The following KMO variants were observed in gnomAD, a reference collection of about 807,000 sequenced individuals.
The protein encoded by KMO is kynurenine 3-monooxygenase, also known as kynurenine 3-hydroxylase.
KMO carries 24 observed loss-of-function variants against 57.8 expected under a neutral mutation model. The observed-to-expected ratio is 0.42, with a 90% CI of 0.30 to 0.58. KMO has a LOEUF of 0.58. Ranked by LOEUF, KMO falls within the 20% of genes least tolerant of loss-of-function variation. KMO has a pLI of 0.22. For synonymous variants in KMO, 210 were observed against 193.6 expected, an observed-to-expected ratio of 1.08 and a Z score of -0.70; for missense variants, 483 against 588.2, an observed-to-expected ratio of 0.82 and a Z score of 1.85.
intron 12 of KMO, among the ~76,000 whole-genome samples, chr1:241,589,184 G>A (rs1168032029): frequency 3.3e-5 from 5 of 152,146 alleles, no homozygotes. Flanking sequence ...AATGTTGAAT[G>A]GCCTTTTCAC....
intron 10 of KMO, among the ~76,000 whole-genome samples, chr1:241,575,235 T>C (rs1401650037): frequency 6.6e-6 from 1 of 152,102 alleles, no homozygotes; most frequent in African/African-American, 2.4e-5. Flanking sequence ...GTCTTGTTGA[T>C]CTTTTGTATT....
At chr1:241,572,161 G>A (rs1020072210) in intron 10 of KMO, among the ~76,000 whole-genome samples, 11 of 152,040 alleles carry the variant, frequency 7.2e-5, no homozygotes, top group South Asian at 2.1e-4. Flanking sequence ...CACCACGCCC[G>A]GGCAATATTA....
intron 10 of KMO, among the ~76,000 whole-genome samples, chr1:241,578,718 G>A (rs573756978): frequency 4.6e-5 from 7 of 152,222 alleles, no homozygotes; most frequent in Admixed American, 4.6e-4. Flanking sequence ...GAACTTCCTG[G>A]TTAGCCAGGG....
At chr1:241,571,385 A>C (rs1662271874) in intron 10 of KMO, among the ~76,000 whole-genome samples, 1 of 152,068 alleles carries the variant, frequency 6.6e-6, no homozygotes. Context: ...AAAGATTTTC[A>C]GTTTTTCCTC....
chr1:241,534,398 A>C lies in KMO; in HGVS notation c.54+1900A>C, dbSNP rs115466360. On this transcript the variant is annotated intron_variant, in intron 1 of 14. Coordinates refer to ENST00000366559, the MANE Select transcript of KMO (RefSeq NM_003679.5). ...ATCCATGGATTTCTCCCTGAATAAC[A>C]TGAGATTGTCATCATGTAACCACGT... Among the ~76,000 whole-genome samples, 361 of 152,344 alleles carry C rather than the reference A, an allele frequency of 2.4e-3. 1 individual carries two copies. The highest frequency in any genetic ancestry group is 3.4e-3 in the Non-Finnish European group (234 of 68,036).
At chr1:241,554,664 A>G (rs1238905359) in intron 4 of KMO, among the ~76,000 whole-genome samples, 1 of 150,054 alleles carries the variant, frequency 6.7e-6, no homozygotes, top group Non-Finnish European at 1.5e-5. Flanking sequence ...ATTTTAGTTT[A>G]TTTTTAAGTC....
Position 241,567,762 on chromosome 1 carries a change from T to C in KMO, c.810-738T>C, listed in dbSNP as rs1188679761. ...AATTTAGTCTCTATGGATCCCACCT[T>C]CTCCAGCTGTGAAGATAAATCTCTG... On this transcript the variant is annotated intron_variant, in intron 9 of 14. Coordinates refer to ENST00000366559, the MANE Select transcript of KMO (RefSeq NM_003679.5). 3.9e-5 allele frequency among the ~76,000 whole-genome samples: 6 copies of C among 152,294 alleles called. No individual in the cohort carries two copies. The East Asian group carries it at 1.2e-3, about 29-fold the overall frequency.
chr1:241,551,924 C>T (rs1022862610), intron 4 of KMO, among the ~76,000 whole-genome samples: 4 of 152,098 alleles, frequency 2.6e-5, no homozygotes, highest in Non-Finnish European at 4.4e-5. Context: ...AACGAGCTTC[C>T]GGGTGTTTAC....
At position 241,592,796 on chromosome 1, in the gene KMO, A is replaced by ATCTCTCTC. The variant is rs777111753; in HGVS notation, c.*648_*649insCTCTCTCT. ...TATCTATCTATCTATCTATCTATCTATCTCTATTTATTTATGTATTTAGAG... is the reference window on the plus strand; with the variant it reads ...TATCTATCTATCTATCTATCTATCTATCTCTCTCTCTCTATTTATTTATGTATTTAGAG... On this transcript the variant is annotated 3_prime_UTR_variant, in exon 15 of 15. Transcript: ENST00000366559. 2.7e-5 allele frequency: 4 copies of ATCTCTCTC among 150,600 alleles called. No homozygotes were observed. The highest frequency in any genetic ancestry group is 1.0e-4 in the African/African-American group (4 of 39,990). 9.3% of individuals were successfully genotyped at this position (150,600 alleles called of 1,614,324 possible).
chr1:241,577,515 C>T (rs1662568088), intron 10 of KMO, among the ~76,000 whole-genome samples: 1 of 151,888 alleles, frequency 6.6e-6, no homozygotes, highest in Non-Finnish European at 1.5e-5. Flanking sequence ...CTGTGGGTTC[C>T]TTGGTTATGG....
At chr1:241,548,692 A>C (rs546081305) in intron 1 of KMO, 137 bp from the exon 2 acceptor site, 75 of 483,772 alleles carry the variant, frequency 1.6e-4, no homozygotes, top group African/African-American at 1.4e-3. Context: ...TCAATGTGAT[A>C]AATGAGGCTG....
chr1:241,568,091 GA>G (rs1463202749), intron 9 of KMO, among the ~76,000 whole-genome samples: 2 of 152,086 alleles, frequency 1.3e-5, no homozygotes, highest in African/African-American at 4.8e-5. Context: ...AATACATAAA[GA>G]TTCACATTAA....
chr1:241,555,592 C>G lies in KMO; in HGVS notation c.313-20C>G. 7.1e-7 allele frequency: 1 copy of G among 1,405,086 alleles called. No homozygotes were observed. The highest frequency in any genetic ancestry group is 1.0e-6 in the Non-Finnish European group (1 of 993,552). 87.0% of individuals were successfully genotyped at this position (1,405,086 alleles called of 1,614,324 possible). A position where few individuals can be genotyped will look rare whatever the true frequency, so the allele number is the denominator to read the frequency against. ...TCCATTCACCAGAAACAAACAGTAT[C>G]TACTCTACTTTTCTTGCAGTATATT... On this transcript the variant is annotated intron_variant, in intron 4 of 14. Coordinates refer to ENST00000366559, the MANE Select transcript of KMO (RefSeq NM_003679.5).
chr1:241,593,418 C>A lies in KMO; in HGVS notation c.*1265C>A, dbSNP rs1265964592. The A allele has an allele frequency of 2.5e-6, 1 of 406,144 alleles. No individual in the cohort carries two copies. Among genetic ancestry groups the A allele is most frequent in the Admixed American group, 2.4e-5 (1 of 41,710 alleles). 25.2% of individuals were successfully genotyped at this position (406,144 alleles called of 1,614,324 possible). ...CATGATTAATTATGAAGATGAAACA[C>A]TAGAGTCATATAAGAAATAAAAATT... On this transcript the variant is annotated 3_prime_UTR_variant, in exon 15 of 15. Coordinates refer to ENST00000366559, the MANE Select transcript of KMO (RefSeq NM_003679.5).
At chr1:241,549,245 GAAAGAAA>G (rs1174527537) in intron 2 of KMO, among the ~76,000 whole-genome samples, 553 of 20,188 alleles carry the variant, frequency 0.027, 29 homozygotes, top group African/African-American at 0.036. Flanking sequence ...AAGAAAGAAA[GAAAGAAA>G]GAAAGAAAGA....
intron 5 of KMO, 86 bp from the exon 6 acceptor site, chr1:241,560,579 C>T (rs1196871339): frequency 1.0e-6 from 1 of 969,054 alleles, no homozygotes. Flanking sequence ...CATACTGTTC[C>T]CAGAAAACAA....
Position 241,548,862 on chromosome 1 carries a change from A to T in KMO, c.88A>T (p.Arg30Trp). Residue 30 changes from arginine to tryptophan, a missense_variant, in exon 2 of 15, where the codon AGG becomes TGG. By Grantham distance (101) the Arg-to-Trp change is moderately radical. This residue lies in a region of KMO where 70 missense variants were observed against 78.4 expected (regional missense o/e 0.89). Transcript: ENST00000366559. The stretch of plus-strand genomic sequence containing the variant: ...ATTACAAGCATGCTTTCTTGCAAAG[A>T]GGAATTTCCAGATTGATGTATATGA... ...GSLQACFLAK[R>W]NFQIDVYEAR... is the part of the protein sequence containing the mutation. The T allele has an allele frequency of 6.2e-7, 1 of 1,607,216 alleles. No individual in the cohort carries two copies.
rs550183619 is a variant in KMO, at chr1:241,589,485, T to C, written c.1099-527T>C. 2.0e-5 allele frequency among the ~76,000 whole-genome samples: 3 copies of C among 152,340 alleles called. No individual in the cohort carries two copies. In the East Asian group the frequency reaches 5.8e-4, roughly 29 times the overall value. ...AGACAGAAAGAAACTGGACTTCAGC[T>C]TGAGCAAAATTGCATCAGATGTGGT... On this transcript the variant is annotated intron_variant, in intron 12 of 14. Transcript: ENST00000366559.
At chr1:241,561,506 A>G (rs574503873) in intron 6 of KMO, among the ~76,000 whole-genome samples, 1 of 152,276 alleles carries the variant, frequency 6.6e-6, no homozygotes, top group South Asian at 2.1e-4. Flanking sequence ...TTCTAGCTGC[A>G]GGACAGTACT....
Sources: gnomAD v4.1 joint callset for allele counts (sites outside exome capture counted in the v4.1 genomes callset) on GRCh38, gnomAD v4.1.1 for gene constraint, gnomAD v4.1.1 regional missense constraint, MANE v1.5 for transcripts, NCBI Gene and HGNC (gene_info 2026-07-23, HGNC 2026-07-21) for gene names.